The following MBD5 variants were observed in gnomAD, a reference collection of about 807,000 sequenced individuals.
MBD5 encodes the protein methyl-CpG binding domain protein 5, also known as methyl-CpG-binding domain protein 5.
A neutral mutation model predicts 117.3 loss-of-function variants in MBD5; 13 were observed. The ratio of observed to expected loss-of-function variants is 0.11; its 90% CI spans 0.07 to 0.18. The LOEUF (loss-of-function observed/expected upper bound fraction) is 0.18, where lower values mean the gene tolerates loss of function less well. Among genes scored for constraint, MBD5 ranks in the 10% least tolerant of loss-of-function variants. The pLI is 1.00. For missense variants in MBD5, 1,879 were observed against 2,093.8 expected, an observed-to-expected ratio of 0.90 and a Z score of 2.00; for synonymous variants, 727 against 766.4, an observed-to-expected ratio of 0.95 and a Z score of 0.85.
Position 148,483,303 on chromosome 2 carries a change from C to T in MBD5, c.2712C>T (p.Ser904=), listed in dbSNP as rs758121149. ...QEHALHFPSN[S]TSNNHLPHPL... ...ACGCACTTCATTTTCCATCCAACAG[C>T]ACTTCAAACAACCATCTTCCACACC... The change falls in exon 9 of 14, where the codon AGC becomes AGT. Residue 904 remains serine (S), a synonymous_variant. Coordinates refer to ENST00000642680, the MANE Select transcript of MBD5 (RefSeq NM_001378120.1). 6.2e-7 allele frequency: 1 copy of T among 1,614,092 alleles called. No homozygotes were observed. The highest frequency in any genetic ancestry group is 1.1e-5 in the South Asian group (1 of 91,082).
chr2:148,311,304 A>G (rs991541414), intron 3 of MBD5, among the ~76,000 whole-genome samples: 1 of 152,062 alleles, frequency 6.6e-6, no homozygotes, highest in Non-Finnish European at 1.5e-5. Flanking sequence ...GGTCTCTAAG[A>G]ACTTGCATTA....
intron 3 of MBD5, among the ~76,000 whole-genome samples, chr2:148,279,914 G>C (rs567105576): frequency 5.4e-4 from 82 of 152,086 alleles, no homozygotes; most frequent in Non-Finnish European, 9.1e-4. Context: ...CTCCCAAGTA[G>C]CTGGGACTAG....
At chr2:148,424,192 AAAAAAAAAAAAAAAAAAAAAAAAAC>A (rs1705703043) in intron 4 of MBD5, among the ~76,000 whole-genome samples, 1 of 79,772 alleles carries the variant, frequency 1.3e-5, no homozygotes, top group African/African-American at 7.0e-5. Context: ...AAAAAAAAAA[AAAAAAAAAAAAAAAAAAAAAAAAAC>A]AGCAGAGGTC....
intron 3 of MBD5, among the ~76,000 whole-genome samples, chr2:148,306,252 C>T (rs757933074): frequency 5.3e-5 from 8 of 152,110 alleles, no homozygotes; most frequent in Admixed American, 2.6e-4. Flanking sequence ...ATTGTAAGAA[C>T]GGGAACCCTG....
intron 1 of MBD5, among the ~76,000 whole-genome samples, chr2:148,057,734 A>T (rs2105802536): frequency 6.6e-6 from 1 of 152,068 alleles, no homozygotes; most frequent in Non-Finnish European, 1.5e-5. Context: ...AATTTGCAGT[A>T]CTCTCATTAC....
chr2:148,049,289 C>G (rs1694627266), intron 1 of MBD5, among the ~76,000 whole-genome samples: 1 of 152,138 alleles, frequency 6.6e-6, no homozygotes, highest in Non-Finnish European at 1.5e-5. Flanking sequence ...CCATTCTTCA[C>G]TTTGCTTTGA....
intron 3 of MBD5, among the ~76,000 whole-genome samples, chr2:148,286,259 A>C (rs571816828): frequency 2.0e-5 from 3 of 152,184 alleles, no homozygotes; most frequent in Non-Finnish European, 4.4e-5. Context: ...CTTGCTTTTT[A>C]TCATCTGATA....
chr2:148,214,430 T>G (rs534196891), intron 2 of MBD5, among the ~76,000 whole-genome samples: 1 of 152,322 alleles, frequency 6.6e-6, no homozygotes, highest in South Asian at 2.1e-4. Flanking sequence ...ACAGGCAATA[T>G]AAAAACAGGT....
intron 8 of MBD5, among the ~76,000 whole-genome samples, chr2:148,476,514 A>T (rs971513150): frequency 5.9e-5 from 9 of 152,320 alleles, no homozygotes; most frequent in Middle Eastern, 3.4e-3. Flanking sequence ...AAAACAGATC[A>T]TGACCTAGCA....
intron 2 of MBD5, among the ~76,000 whole-genome samples, chr2:148,221,574 G>A (rs1175515015): frequency 6.6e-6 from 1 of 152,048 alleles, no homozygotes; most frequent in Non-Finnish European, 1.5e-5. Flanking sequence ...TTTGAGAAAT[G>A]TTTACTCAAA....
intron 3 of MBD5, among the ~76,000 whole-genome samples, chr2:148,331,987 A>T (rs1301777912): frequency 1.3e-5 from 2 of 152,132 alleles, no homozygotes; most frequent in African/African-American, 2.4e-5. Context: ...GAAATAAAAA[A>T]TCTCACACTA....
At chr2:148,340,810 A>G (rs1051631417) in intron 3 of MBD5, among the ~76,000 whole-genome samples, 2 of 149,008 alleles carry the variant, frequency 1.3e-5, no homozygotes, top group Non-Finnish European at 3.0e-5. Flanking sequence ...AATTAACCCC[A>G]CTCAGATATT....
chr2:148,429,832 A>G (rs1705928430), intron 4 of MBD5, among the ~76,000 whole-genome samples: 1 of 152,070 alleles, frequency 6.6e-6, no homozygotes, highest in African/African-American at 2.4e-5. Flanking sequence ...AACATCACAC[A>G]CTGGGGCCTG....
At chr2:148,080,754 G>C (rs1421820867) in intron 1 of MBD5, among the ~76,000 whole-genome samples, 1 of 152,058 alleles carries the variant, frequency 6.6e-6, no homozygotes, top group Non-Finnish European at 1.5e-5. Flanking sequence ...AAAGGTATTT[G>C]AAATTATTAT....
chr2:148,239,686 TAC>T (rs34980624), intron 3 of MBD5, among the ~76,000 whole-genome samples: 6,352 of 141,552 alleles, frequency 0.045, 445 homozygotes, highest in African/African-American at 0.16. Context: ...TTTATTTACT[TAC>T]ACACACACAC....
At chr2:148,295,366 T>G (rs1370803310) in intron 3 of MBD5, among the ~76,000 whole-genome samples, 1 of 152,222 alleles carries the variant, frequency 6.6e-6, no homozygotes, top group Non-Finnish European at 1.5e-5. Context: ...TATTATATAT[T>G]TATTTCCATC....
At chr2:148,123,332 T>C (rs1407968559) in intron 1 of MBD5, among the ~76,000 whole-genome samples, 1 of 152,150 alleles carries the variant, frequency 6.6e-6, no homozygotes, top group Admixed American at 6.5e-5. Flanking sequence ...AGAAACATAA[T>C]GTAGAAAGCT....
At chr2:148,078,893 C>A (rs1231938124) in intron 1 of MBD5, among the ~76,000 whole-genome samples, 1 of 152,114 alleles carries the variant, frequency 6.6e-6, no homozygotes, top group Non-Finnish European at 1.5e-5. Flanking sequence ...TGTAAAAGAA[C>A]AAGTGTGTTA....
At chr2:148,451,980 A>T (rs1706740619) in intron 4 of MBD5, among the ~76,000 whole-genome samples, 1 of 152,170 alleles carries the variant, frequency 6.6e-6, no homozygotes, top group Admixed American at 6.5e-5. Context: ...CAGTATTCCC[A>T]TCCACTGAGC....
Sources: gnomAD v4.1 joint callset for allele counts (sites outside exome capture counted in the v4.1 genomes callset) on GRCh38, gnomAD v4.1.1 for gene constraint, MANE v1.5 for transcripts, NCBI Gene and HGNC (gene_info 2026-07-23, HGNC 2026-07-21) for gene names.